The following CACNA1A variants were observed in gnomAD, a reference collection of about 807,000 sequenced individuals.
CACNA1A encodes the protein voltage-dependent P/Q-type calcium channel subunit alpha-1A.
A neutral mutation model predicts 262.4 loss-of-function variants in CACNA1A; 57 were observed. That is an observed-to-expected ratio of 0.22 (90% confidence interval 0.18 to 0.27). The LOEUF is 0.27. Ranked by LOEUF, CACNA1A falls within the 10% of genes least tolerant of loss-of-function variation. CACNA1A has a pLI of 1.00. For synonymous variants in CACNA1A, 1,431 were observed against 1,419.3 expected, an observed-to-expected ratio of 1.01 and a Z score of -0.18; for missense variants, 2,526 against 3,562.8, an observed-to-expected ratio of 0.71 and a Z score of 7.41.
At chr19:13,234,120 C>T (rs1345760717) in intron 34 of CACNA1A, among the ~76,000 whole-genome samples, 6 of 148,658 alleles carry the variant, frequency 4.0e-5, no homozygotes, top group South Asian at 2.1e-4. Context: ...GAGGCCGAGG[C>T]GGGCGGATCA....
At chr19:13,440,636 T>C (rs1462655021) in intron 3 of CACNA1A, among the ~76,000 whole-genome samples, 1 of 152,188 alleles carries the variant, frequency 6.6e-6, no homozygotes, top group East Asian at 1.9e-4. Flanking sequence ...TAGGTGCAAT[T>C]ATTATTCCCA....
chr19:13,401,351 A>T (rs1213708806), intron 3 of CACNA1A, among the ~76,000 whole-genome samples: 1 of 152,156 alleles, frequency 6.6e-6, no homozygotes, highest in Non-Finnish European at 1.5e-5. Context: ...GTTCTCACTA[A>T]TACATGTGAC....
chr19:13,479,451 T>C (rs1978980159), intron 1 of CACNA1A, among the ~76,000 whole-genome samples: 2 of 151,312 alleles, frequency 1.3e-5, no homozygotes, highest in South Asian at 4.2e-4. Flanking sequence ...GTGCCTGGTG[T>C]GTCTGAGGAA....
intron 3 of CACNA1A, among the ~76,000 whole-genome samples, chr19:13,422,608 T>C (rs921459646): frequency 1.3e-5 from 2 of 152,198 alleles, no homozygotes; most frequent in African/African-American, 4.8e-5. Flanking sequence ...TGGTAGCTTA[T>C]GCTCACAATG....
chr19:13,487,571 G>A (rs897824009), intron 1 of CACNA1A, among the ~76,000 whole-genome samples: 9 of 151,714 alleles, frequency 5.9e-5, no homozygotes, highest in Non-Finnish European at 1.0e-4. Flanking sequence ...AGAGGTGATG[G>A]TTGCACAACA....
At chr19:13,406,795 C>T (rs1325867830) in intron 3 of CACNA1A, among the ~76,000 whole-genome samples, 1 of 151,774 alleles carries the variant, frequency 6.6e-6, no homozygotes, top group Non-Finnish European at 1.5e-5. Flanking sequence ...TAAGCACAAC[C>T]ACCCCTTGTC....
chr19:13,447,571 G>C lies in CACNA1A; in HGVS notation c.539+5305C>G, dbSNP rs567338035. Among the ~76,000 whole-genome samples the C allele has an allele frequency of 1.7e-3, 256 of 152,328 alleles. 2 individuals carry two copies. The highest frequency in any genetic ancestry group is 5.8e-3 in the African/African-American group (242 of 41,584). On this transcript the variant is annotated intron_variant, in intron 3 of 46. Coordinates refer to ENST00000360228, the MANE Select transcript of CACNA1A (RefSeq NM_001127222.2). Reference sequence around the variant, plus strand: ...TTGACTCACACAATCACAAGGTAAAGTCCCACGATAGCCCATCTGAAGGAT... The same window carrying C: ...TTGACTCACACAATCACAAGGTAAACTCCCACGATAGCCCATCTGAAGGAT...
chr19:13,482,235 C>A (rs527520548), intron 1 of CACNA1A, among the ~76,000 whole-genome samples: 3 of 152,066 alleles, frequency 2.0e-5, no homozygotes, highest in African/African-American at 7.2e-5. Flanking sequence ...TCTGTAATCC[C>A]AGCATTTTGG....
chr19:13,497,524 ATATATATATATATATATAT>A (rs1981796592), intron 1 of CACNA1A, among the ~76,000 whole-genome samples: 2 of 1,086 alleles, frequency 1.8e-3, no homozygotes, highest in Non-Finnish European at 2.9e-3. Flanking sequence ...AAAAAAAAAT[ATATATATATATATATATAT>A]ATATATATAT....
At chr19:13,389,938 G>C (rs1479123945) in intron 3 of CACNA1A, among the ~76,000 whole-genome samples, 1 of 151,972 alleles carries the variant, frequency 6.6e-6, no homozygotes, top group East Asian at 1.9e-4. Context: ...TCAGCCTCTC[G>C]AGTAGCTGGG....
At chr19:13,307,455 A>G (rs2057928948) in intron 15 of CACNA1A, 1 of 225,410 alleles carries the variant, frequency 4.4e-6, no homozygotes, top group Non-Finnish European at 8.7e-6. Context: ...GCTGGTCTCG[A>G]ATTCCTGATC....
At chr19:13,235,846 C>T in intron 31 of CACNA1A, 116 bp from the exon 32 acceptor site, 1 of 654,954 alleles carries the variant, frequency 1.5e-6, no homozygotes, top group Non-Finnish European at 2.7e-6. Context: ...CAAGCCAGAC[C>T]CCAAATAAGG....
intron 24 of CACNA1A, among the ~76,000 whole-genome samples, chr19:13,267,821 C>G (rs1304037050): frequency 2.0e-5 from 3 of 151,778 alleles, no homozygotes; most frequent in Non-Finnish European, 4.4e-5. Flanking sequence ...CCCTCTGTTG[C>G]CCAGGCTGCA....
In CACNA1A at chr19:13,506,104, GCCCGCCCTGCCGGCTGCC is replaced by G; in HGVS notation, c.103_120del (p.Gly35_Gly40del). The G allele has an allele frequency of 6.2e-7, 1 of 1,612,174 alleles. No individual in the cohort carries two copies. The highest frequency in any genetic ancestry group is 8.5e-7 in the Non-Finnish European group (1 of 1,179,266). On this transcript the variant is annotated inframe_deletion, in exon 1 of 47. Transcript: ENST00000360228. Reference sequence around the variant, plus strand: ...TTGTACATCCTTTGCGCCCCGGGCTGCCCGCCCTGCCGGCTGCCCCCGGCTCCTCGCCCGCCTCCGCTG... The same window carrying G: ...TTGTACATCCTTTGCGCCCCGGGCTGCCCGGCTCCTCGCCCGCCTCCGCTG...
At chr19:13,493,493 G>A (rs1277312918) in intron 1 of CACNA1A, among the ~76,000 whole-genome samples, 1 of 152,242 alleles carries the variant, frequency 6.6e-6, no homozygotes, top group Admixed American at 6.5e-5. Context: ...TCCCCTTGGG[G>A]GAAAAATTGC....
intron 6 of CACNA1A, among the ~76,000 whole-genome samples, chr19:13,340,930 A>G (rs1319229430): frequency 6.6e-6 from 1 of 152,150 alleles, no homozygotes; most frequent in Non-Finnish European, 1.5e-5. Context: ...ATCTGGGCAG[A>G]GCACAGTGGC....
At chr19:13,276,115 G>C (rs2144834625) in intron 23 of CACNA1A, among the ~76,000 whole-genome samples, 159 bp from the exon 24 acceptor site, 1 of 152,270 alleles carries the variant, frequency 6.6e-6, no homozygotes, top group South Asian at 2.1e-4. Context: ...GGGAGGAGTG[G>C]GGAGCCCCTG....
In CACNA1A at chr19:13,298,591, C is replaced by G. The variant is rs868354475; in HGVS notation, c.3042G>C (p.Glu1014Asp). Residue 1014 changes from glutamate to aspartate, a missense_variant, in exon 19 of 47, where the codon GAG (glutamate) becomes GAC (aspartate). This residue lies in a region of CACNA1A where 765 missense variants were observed against 748.6 expected (regional missense o/e 1.02). Transcript: ENST00000360228. ...RHRHGAPATY[E>D]GDARREDKER... is the part of the protein sequence containing the mutation. ...CCTTGTCCTCCCTCCGCGCGTCCCCCTCGTACGTGGCTGGAGCGCCATGCC... is the reference window on the plus strand; with the variant it reads ...CCTTGTCCTCCCTCCGCGCGTCCCCGTCGTACGTGGCTGGAGCGCCATGCC... 1 of 1,541,902 alleles carries G rather than the reference C, an allele frequency of 6.5e-7. No homozygotes were observed. The highest frequency in any genetic ancestry group is 8.8e-7 in the Non-Finnish European group (1 of 1,142,464).
At chr19:13,481,634 T>A (rs1979328761) in intron 1 of CACNA1A, among the ~76,000 whole-genome samples, 1 of 151,526 alleles carries the variant, frequency 6.6e-6, no homozygotes. Flanking sequence ...CAGATTGGAG[T>A]CAGGCGGGCT....
Sources: gnomAD v4.1 joint callset for allele counts (sites outside exome capture counted in the v4.1 genomes callset) on GRCh38, gnomAD v4.1.1 for gene constraint, gnomAD v4.1.1 regional missense constraint, MANE v1.5 for transcripts, NCBI Gene and HGNC (gene_info 2026-07-23, HGNC 2026-07-21) for gene names.